The following ARF4 variants were observed in gnomAD, a reference collection of about 807,000 sequenced individuals.
ARF4 encodes the protein ARF GTPase 4.
In ARF4, 5 loss-of-function variants were observed where a neutral mutation model predicts 24.3. The observed-to-expected ratio is 0.21, with a 90% CI of 0.11 to 0.43. The LOEUF is 0.43. Ranked by LOEUF, ARF4 falls within the 20% of genes least tolerant of loss-of-function variation. ARF4 has a pLI of 1.00. For missense variants in ARF4, 107 were observed against 213.0 expected (o/e 0.50, Z 3.10); for synonymous variants, 62 against 73.5 (o/e 0.84, Z 0.80).
chr3:57,580,736 C>A (rs1409679215), intron 3 of ARF4, among the ~76,000 whole-genome samples: 1 of 151,402 alleles, frequency 6.6e-6, no homozygotes, highest in African/African-American at 2.4e-5. Flanking sequence ...CTAAAAGGGA[C>A]CTAATTTTAT....
chr3:57,572,925 G>A (rs943247264), intron 5 of ARF4, among the ~76,000 whole-genome samples: 3 of 151,950 alleles, frequency 2.0e-5, no homozygotes, highest in South Asian at 2.1e-4. Context: ...TTGTTAGGCC[G>A]GGCGTGGTGG....
Position 57,584,431 on chromosome 3 carries a change from A to C in ARF4, c.101T>G (p.Leu34Arg), listed in dbSNP as rs768064782. ...GLDAAGKTTILYKLKLGEIVT... is the reference protein window; with the variant it reads ...GLDAAGKTTIRYKLKLGEIVT... ...TATCTCCCCTAACTTCAGTTTATAC[A>C]GAATGGTTGTCTTGCCAGCAGCATC... Residue 34 changes from leucine to arginine, a missense_variant, in exon 2 of 6, where the codon CTG (leucine) becomes CGG (arginine). Leu to Arg is a moderately radical substitution (Grantham distance 102, BLOSUM62 -2). Coordinates refer to ENST00000303436, the MANE Select transcript of ARF4 (RefSeq NM_001660.4). The C allele has an allele frequency of 6.2e-7, 1 of 1,613,888 alleles. No individual in the cohort carries two copies.
At chr3:57,581,045 T>C (rs2153408779) in intron 3 of ARF4, among the ~76,000 whole-genome samples, 1 of 152,352 alleles carries the variant, frequency 6.6e-6, no homozygotes, top group South Asian at 2.1e-4. Flanking sequence ...AAAGCTAGGA[T>C]TCTACAGATA....
Position 57,575,573 on chromosome 3 carries a change from C to G in ARF4, c.431G>C (p.Gly144Ala). The G allele has an allele frequency of 6.2e-7, 1 of 1,612,900 alleles. No individual in the cohort carries two copies. Residue 144 changes from glycine (G) to alanine (A), a missense_variant, in exon 5 of 6, where the codon GGG becomes GCG. Physicochemically the swap from Gly to Ala is moderately conservative, Grantham distance 60. Transcript: ENST00000303436. ...MAISEMTDKL[G>A]LQSLRNRTWY... ...TGTTCTGTTACGAAGAGACTGAAGC[C>G]CTAGTTTATCTGTCATTTCACTGAT...
At position 57,597,057 on chromosome 3, in the gene ARF4, C is replaced by G. The variant is rs923227396; in HGVS notation, c.67+17G>C. On this transcript the variant is annotated intron_variant, in intron 1 of 5. Transcript: ENST00000303436. ...TGCCTTTCCCAGGTCCCGCCTGACT[C>G]GCAGCCCCTCACTCACCCATCAAAA... 2 of 1,613,216 alleles carry G rather than the reference C, an allele frequency of 1.2e-6. No homozygotes were observed. Among genetic ancestry groups the G allele is most frequent in the East Asian group, 2.2e-5 (1 of 44,846 alleles).
At position 57,572,224 on chromosome 3, in the gene ARF4, A is replaced by C. The variant is rs2069850344; in HGVS notation, c.531T>G (p.Leu177=). The change falls in exon 6 of 6, where the codon CTT becomes CTG. Residue 177 remains leucine (L), a synonymous_variant. Coordinates refer to ENST00000303436, the MANE Select transcript of ARF4 (RefSeq NM_001660.4). ...TATCCAATTTCATTTAACGTTTTGA[A>C]AGCTCATTTGACAGCCAGTCAAGTC... is the stretch of plus-strand genomic sequence containing the variant. ...YEGLDWLSNE[L]SKR is the part of the protein sequence containing the mutation. 6.2e-7 allele frequency: 1 copy of C among 1,613,852 alleles called. No homozygotes were observed. The highest frequency in any genetic ancestry group is 1.3e-5 in the African/African-American group (1 of 74,926).
chr3:57,581,060 C>T (rs2069965027), intron 3 of ARF4, among the ~76,000 whole-genome samples: 1 of 152,146 alleles, frequency 6.6e-6, no homozygotes, highest in South Asian at 2.1e-4. Context: ...CAGATAAGCC[C>T]AGCTGCTATG....
chr3:57,584,847 G>A (rs1412556546), intron 1 of ARF4, among the ~76,000 whole-genome samples: 1 of 148,564 alleles, frequency 6.7e-6, no homozygotes. Context: ...TGAACTACCA[G>A]CATTTTTTGG....
intron 3 of ARF4, among the ~76,000 whole-genome samples, chr3:57,581,517 T>C (rs1575783266): frequency 6.6e-6 from 1 of 152,214 alleles, no homozygotes; most frequent in South Asian, 2.1e-4. Context: ...TCAAAATATA[T>C]TGGCCAAGCG....
intron 4 of ARF4, 108 bp downstream of exon 4, chr3:57,577,208 C>T (rs2069916799): frequency 1.1e-6 from 1 of 880,432 alleles, no homozygotes; most frequent in Non-Finnish European, 1.8e-6. Flanking sequence ...TTCTAGCCCC[C>T]CCAATCCATT....
At chr3:57,578,238 G>C (rs1188285460) in intron 3 of ARF4, among the ~76,000 whole-genome samples, 1 of 151,776 alleles carries the variant, frequency 6.6e-6, no homozygotes, top group Admixed American at 6.6e-5. Context: ...AGATCAGGAA[G>C]ACATCTTAAG....
At chr3:57,591,969 T>TA (rs1299005888) in intron 1 of ARF4, among the ~76,000 whole-genome samples, 4 of 152,132 alleles carry the variant, frequency 2.6e-5, no homozygotes, top group Non-Finnish European at 5.9e-5. Flanking sequence ...ATTCTGGAAT[T>TA]AGACAATGGT....
At position 57,594,050 on chromosome 3, in the gene ARF4, G is replaced by A. The variant is rs557149435; in HGVS notation, c.67+3024C>T. Among the ~76,000 whole-genome samples the A allele has an allele frequency of 2.6e-3, 399 of 152,260 alleles. 1 individual carries two copies. Among genetic ancestry groups the A allele is most frequent in the African/African-American group, 9.2e-3 (382 of 41,550 alleles). Reference sequence around the variant, plus strand: ...GCAGGTGGATCACCTGAGGTCAGGAGTTCGAGACTAGCCTGGCCAACATGG... The same window carrying A: ...GCAGGTGGATCACCTGAGGTCAGGAATTCGAGACTAGCCTGGCCAACATGG... On this transcript the variant is annotated intron_variant, in intron 1 of 5. Coordinates refer to ENST00000303436, the MANE Select transcript of ARF4 (RefSeq NM_001660.4).
chr3:57,596,239 C>T (rs570183403), intron 1 of ARF4, among the ~76,000 whole-genome samples: 202 of 152,082 alleles, frequency 1.3e-3, no homozygotes, highest in Non-Finnish European at 2.6e-3. Context: ...TACTATTTAA[C>T]AAGACTACCA....
chr3:57,591,045 A>C (rs1322532660), intron 1 of ARF4, among the ~76,000 whole-genome samples: 4 of 152,176 alleles, frequency 2.6e-5, no homozygotes, highest in Non-Finnish European at 4.4e-5. Flanking sequence ...AATGTCCCCC[A>C]CAGTCACAGA....
intron 5 of ARF4, among the ~76,000 whole-genome samples, chr3:57,573,201 C>CA (rs35901487): frequency 0.44 from 54,605 of 125,484 alleles, 12,249 homozygotes; most frequent in South Asian, 0.6. Context: ...GACTCCATCT[C>CA]AAAAAAAAAA....
rs373593813 is a variant in ARF4 at position 57,585,896 on chromosome 3, G to A, written c.68-1432C>T. 2.3e-4 allele frequency among the ~76,000 whole-genome samples: 35 copies of A among 151,970 alleles called. 2 individuals are homozygous for A. In the South Asian group the frequency reaches 7.1e-3, roughly 31 times the overall value. ...AGGCTGGTCTTGAACTCCTGACCTC[G>A]GGTGATCTGCCCGCCTCAGCCTCTC... On this transcript the variant is annotated intron_variant, in intron 1 of 5. Coordinates refer to ENST00000303436, the MANE Select transcript of ARF4 (RefSeq NM_001660.4).
At position 57,596,948 on chromosome 3, in the gene ARF4, C is replaced by G. The variant is rs959136117; in HGVS notation, c.67+126G>C. The G allele has an allele frequency of 2.3e-5, 23 of 1,011,714 alleles. No individual in the cohort carries two copies. In the Admixed American group the frequency reaches 5.4e-4, roughly 24 times the overall value. 62.7% of individuals were successfully genotyped at this position (1,011,714 alleles called of 1,614,324 possible). A position where few individuals can be genotyped will look rare whatever the true frequency, so the allele number is the denominator to read the frequency against. The stretch of plus-strand genomic sequence containing the variant: ...ATTGTTCCCCCTTAAGAATTCCTTC[C>G]GACCCCCGACCCGGCGCCCCTCCCC... On this transcript the variant is annotated intron_variant, in intron 1 of 5. Transcript: ENST00000303436.
chr3:57,590,710 G>A (rs1442216450), intron 1 of ARF4, among the ~76,000 whole-genome samples: 2 of 151,848 alleles, frequency 1.3e-5, no homozygotes, highest in Non-Finnish European at 2.9e-5. Context: ...ACAGGGTCTC[G>A]ATCTGTCACC....
Sources: gnomAD v4.1 joint callset for allele counts (sites outside exome capture counted in the v4.1 genomes callset) on GRCh38, gnomAD v4.1.1 for gene constraint, MANE v1.5 for transcripts, NCBI Gene and HGNC (gene_info 2026-07-23, HGNC 2026-07-21) for gene names.